DLGAP1: variants seen among roughly 807,000 people sequenced by gnomAD.
DLGAP1 encodes the protein DLG associated protein 1, also known as disks large-associated protein 1.
A neutral mutation model predicts 90.8 loss-of-function variants in DLGAP1; 11 were observed. The ratio of observed to expected loss-of-function variants is 0.12; its 90% CI spans 0.08 to 0.20. The LOEUF (loss-of-function observed/expected upper bound fraction) is 0.20. Ranked by LOEUF, DLGAP1 falls within the 10% of genes least tolerant of loss-of-function variation. The probability of loss-of-function intolerance (pLI) is 1.00; values close to 1 mark genes in which losing one functional copy is unlikely to be tolerated. For synonymous variants in DLGAP1, 558 were observed against 540.7 expected (o/e 1.03, Z -0.44); for missense variants, 1,050 against 1,333.8 (o/e 0.79, Z 3.31).
chr18:3,914,726 G>C (rs1323105264), intron 3 of DLGAP1, among the ~76,000 whole-genome samples: 1 of 152,046 alleles, frequency 6.6e-6, no homozygotes, highest in Admixed American at 6.6e-5. Context: ...GCCAGTATTT[G>C]CTATCTTTCA....
At chr18:3,914,523 T>C (rs2072102453) in intron 3 of DLGAP1, among the ~76,000 whole-genome samples, 1 of 152,226 alleles carries the variant, frequency 6.6e-6, no homozygotes, top group Non-Finnish European at 1.5e-5. Context: ...AGCTCTCCCT[T>C]CAACTACTGA....
At chr18:4,124,006 T>A (rs1164308593) in intron 2 of DLGAP1, among the ~76,000 whole-genome samples, 1 of 152,206 alleles carries the variant, frequency 6.6e-6, no homozygotes, top group Non-Finnish European at 1.5e-5. Flanking sequence ...AATATTCTTA[T>A]CATCAAGGAT....
At chr18:3,812,929 T>C (rs568258739) in intron 5 of DLGAP1, among the ~76,000 whole-genome samples, 2 of 152,350 alleles carry the variant, frequency 1.3e-5, no homozygotes, top group African/African-American at 4.8e-5. Context: ...CATCAAAATA[T>C]GGAATCAAAG....
chr18:4,326,996 C>A (rs922666852), intron 1 of DLGAP1, among the ~76,000 whole-genome samples: 1 of 151,840 alleles, frequency 6.6e-6, no homozygotes, highest in Non-Finnish European at 1.5e-5. Flanking sequence ...TACCCCTGGA[C>A]CTAAAGTCAC....
At chr18:3,976,229 A>AATAATAATAATTG (rs1447789134) in intron 3 of DLGAP1, among the ~76,000 whole-genome samples, 44 of 149,650 alleles carry the variant, frequency 2.9e-4, no homozygotes, top group African/African-American at 1.0e-3. Flanking sequence ...AACGATAATT[A>AATAATAATAATTG]GCCAGGTGTG....
chr18:4,343,920 G>A (rs1249598530), intron 1 of DLGAP1, among the ~76,000 whole-genome samples: 1 of 152,190 alleles, frequency 6.6e-6, no homozygotes, highest in Admixed American at 6.5e-5. Context: ...TGTCCTTGGA[G>A]ATAATTTAGT....
chr18:3,952,206 A>T (rs918562088), intron 3 of DLGAP1, among the ~76,000 whole-genome samples: 1 of 152,182 alleles, frequency 6.6e-6, no homozygotes, highest in African/African-American at 2.4e-5. Flanking sequence ...CAGTTTGGGG[A>T]AGAAAAAAGC....
In DLGAP1 at chr18:3,527,410, C is replaced by CTTT. The variant is rs3075071; in HGVS notation, c.2479+6781_2479+6783dup. Among the ~76,000 whole-genome samples, 417 of 100,598 alleles carry CTTT rather than the reference C, an allele frequency of 4.1e-3. 44 individuals carry two copies. Among genetic ancestry groups the CTTT allele is most frequent in the African/African-American group, 0.015 (403 of 26,746 alleles). 66.0% of individuals were successfully genotyped at this position (100,598 alleles called of 152,430 possible). Reference sequence around the variant, plus strand: ...GTGAGTAAACAGGTTATTTTCCAAACTTTTTTTTTTTTTTTTTTTTTTGCC... The same window carrying CTTT: ...GTGAGTAAACAGGTTATTTTCCAAACTTTTTTTTTTTTTTTTTTTTTTTTTGCC... On this transcript the variant is annotated intron_variant, in intron 10 of 12. Transcript: ENST00000315677.
intron 3 of DLGAP1, among the ~76,000 whole-genome samples, chr18:3,928,760 C>T (rs529555909): frequency 6.6e-6 from 1 of 152,262 alleles, no homozygotes; most frequent in South Asian, 2.1e-4. Context: ...GATCCTCATC[C>T]ACTATGCCGA....
chr18:4,419,039 T>C (rs1044592706), intron 1 of DLGAP1, among the ~76,000 whole-genome samples: 1 of 152,172 alleles, frequency 6.6e-6, no homozygotes, highest in Non-Finnish European at 1.5e-5. Flanking sequence ...AGCAGACTTG[T>C]AGCTAGAAGA....
At chr18:3,717,780 A>AG (rs2061817219) in intron 7 of DLGAP1, among the ~76,000 whole-genome samples, 1 of 152,220 alleles carries the variant, frequency 6.6e-6, no homozygotes, top group East Asian at 1.9e-4. Flanking sequence ...TCTATGTACA[A>AG]GAACTATAGA....
At chr18:3,876,994 C>G (rs976242211) in intron 4 of DLGAP1, among the ~76,000 whole-genome samples, 7 of 152,130 alleles carry the variant, frequency 4.6e-5, no homozygotes, top group Non-Finnish European at 1.0e-4. Context: ...TTAGAAAGAG[C>G]TTGGTTTTGG....
At chr18:4,359,928 T>C (rs2081597344) in intron 1 of DLGAP1, among the ~76,000 whole-genome samples, 1 of 152,186 alleles carries the variant, frequency 6.6e-6, no homozygotes, top group Non-Finnish European at 1.5e-5. Context: ...CTGAAGGGAT[T>C]TATAAACCTG....
At chr18:4,445,525 C>T (rs1409043138) in intron 1 of DLGAP1, among the ~76,000 whole-genome samples, 12 of 145,362 alleles carry the variant, frequency 8.3e-5, no homozygotes, top group Non-Finnish European at 3.0e-5. Flanking sequence ...TCAATTCCCA[C>T]CTATGAGTGA....
chr18:3,922,177 G>A (rs546632596), intron 3 of DLGAP1, among the ~76,000 whole-genome samples: 5 of 152,190 alleles, frequency 3.3e-5, no homozygotes, highest in African/African-American at 4.8e-5. Flanking sequence ...AGATTGCTGA[G>A]TTCCTTTATC....
intron 2 of DLGAP1, among the ~76,000 whole-genome samples, chr18:4,122,312 G>A (rs140937503): frequency 8.0e-4 from 122 of 152,324 alleles, no homozygotes; most frequent in African/African-American, 2.7e-3. Context: ...ACATGCAGGC[G>A]AAAACTTAAA....
intron 2 of DLGAP1, among the ~76,000 whole-genome samples, chr18:4,045,670 C>T (rs1469356339): frequency 6.6e-6 from 1 of 151,636 alleles, no homozygotes; most frequent in East Asian, 1.9e-4. Flanking sequence ...GCTTTTCTCT[C>T]CTACCATTTA....
At chr18:4,307,112 G>A (rs2080281554) in intron 1 of DLGAP1, among the ~76,000 whole-genome samples, 2 of 152,124 alleles carry the variant, frequency 1.3e-5, no homozygotes, top group African/African-American at 2.4e-5. Context: ...GGCTTTCTTT[G>A]AGCACCAAAA....
chr18:3,781,598 C>T (rs2065196315), intron 5 of DLGAP1, among the ~76,000 whole-genome samples: 1 of 152,034 alleles, frequency 6.6e-6, no homozygotes, highest in South Asian at 2.1e-4. Context: ...TGTGATCTGC[C>T]CGTCTCAGCC....
Sources: gnomAD v4.1 joint callset for allele counts (sites outside exome capture counted in the v4.1 genomes callset) on GRCh38, gnomAD v4.1.1 for gene constraint, MANE v1.5 for transcripts, NCBI Gene and HGNC (gene_info 2026-07-23, HGNC 2026-07-21) for gene names.